RECQL: variants seen among roughly 807,000 people sequenced by gnomAD.
The protein encoded by RECQL is RecQ like helicase, also known as ATP-dependent DNA helicase Q1.
A neutral mutation model predicts 75.8 loss-of-function variants in RECQL; 73 were observed. That is an observed-to-expected ratio of 0.96 (90% CI 0.80 to 1.17). RECQL has a LOEUF of 1.17. RECQL is among the 50% of genes most tolerant of loss of function. RECQL has a pLI of 0.00. For synonymous variants in RECQL, 248 were observed against 254.4 expected (o/e 0.97, Z 0.24); for missense variants, 699 against 772.1 (o/e 0.91, Z 1.12).
At position 21,496,841 on chromosome 12, in the gene RECQL, T is replaced by C. The variant is rs567443806; in HGVS notation, c.16+2714A>G. Among the ~76,000 whole-genome samples, 7 of 152,340 alleles carry C rather than the reference T, an allele frequency of 4.6e-5. No individual in the cohort carries two copies. The East Asian group carries it at 1.4e-3, about 29-fold the overall frequency. On this transcript the variant is annotated intron_variant, in intron 2 of 14. Transcript: ENST00000444129. ...CAAGTAACCCCAAAACTTGCCGGTT[T>C]TGAGTAGGACCTCGAACAAGAGGTA...
intron 4 of RECQL, among the ~76,000 whole-genome samples, chr12:21,489,659 T>G (rs1943370779): frequency 6.6e-6 from 1 of 152,204 alleles, no homozygotes; most frequent in Non-Finnish European, 1.5e-5. Flanking sequence ...CAGAGCTGCT[T>G]CTCCTACAAC....
At chr12:21,477,757 G>A in intron 7 of RECQL, 46 bp downstream of exon 7, 1 of 1,492,262 alleles carries the variant, frequency 6.7e-7, no homozygotes, top group Non-Finnish European at 9.2e-7. Context: ...GATCCCCTCT[G>A]CGTAATTCTT....
intron 2 of RECQL, among the ~76,000 whole-genome samples, chr12:21,496,162 G>A (rs765524975): frequency 2.6e-5 from 4 of 152,204 alleles, no homozygotes; most frequent in Non-Finnish European, 5.9e-5. Context: ...CTTCCATGTC[G>A]CATTCAACTC....
chr12:21,496,370 T>C (rs1270439160), intron 2 of RECQL, among the ~76,000 whole-genome samples: 2 of 152,270 alleles, frequency 1.3e-5, no homozygotes, highest in African/African-American at 2.4e-5. Context: ...GTACCTGTTA[T>C]TATAGCATAG....
Position 21,493,395 on chromosome 12 carries a change from C to A in RECQL, c.17-1679G>T, listed in dbSNP as rs116303824. On this transcript the variant is annotated intron_variant, in intron 2 of 14. Transcript: ENST00000444129. Reference sequence around the variant, plus strand: ...GAATAATGGGGTTGACTGGTTGCTTCTAAGTGTGCAAAGAACTCAGGGGAA... The same window carrying A: ...GAATAATGGGGTTGACTGGTTGCTTATAAGTGTGCAAAGAACTCAGGGGAA... 3.2e-3 allele frequency among the ~76,000 whole-genome samples: 482 copies of A among 152,196 alleles called. 4 individuals carry two copies. Among genetic ancestry groups the A allele is most frequent in the African/African-American group, 0.011 (455 of 41,514 alleles).
At chr12:21,489,980 A>G (rs912779598) in intron 4 of RECQL, among the ~76,000 whole-genome samples, 1 of 152,152 alleles carries the variant, frequency 6.6e-6, no homozygotes, top group African/African-American at 2.4e-5. Context: ...CAATATACCC[A>G]TGTAACAAAC....
rs770657063 is a variant in RECQL, at chr12:21,470,268, T to C, written c.1876A>G (p.Lys626Glu). 1.9e-5 allele frequency: 30 copies of C among 1,610,052 alleles called. 1 individual carries two copies. The East Asian group carries it at 4.9e-4, about 26-fold the overall frequency. ...GATTGCTGAAGCATGTTTGCAGCCT[T>C]CTTCTGGAAGTTGCCTGAATTTTTT... ...EEKNSGNFQK[K>E]AANMLQQSGS... The change falls in exon 15 of 15, where the codon AAG (lysine) becomes GAG (glutamate). Residue 626 changes from lysine to glutamate, a missense_variant. Physicochemically the swap from Lys to Glu is moderately conservative, Grantham distance 56. This residue lies in a region of RECQL where 30 missense variants were observed against 58.6 expected (regional missense o/e 0.51). Coordinates refer to ENST00000444129, the MANE Select transcript of RECQL (RefSeq NM_002907.4).
chr12:21,497,064 T>G (rs1208021974), intron 2 of RECQL, among the ~76,000 whole-genome samples: 1 of 152,226 alleles, frequency 6.6e-6, no homozygotes, highest in Non-Finnish European at 1.5e-5. Context: ...AAACAACTTC[T>G]GGGTTGCTCC....
chr12:21,495,184 A>G (rs952108404), intron 2 of RECQL, among the ~76,000 whole-genome samples: 4 of 152,248 alleles, frequency 2.6e-5, no homozygotes, highest in African/African-American at 9.6e-5. Flanking sequence ...AGGCCCTTGA[A>G]TAAGGCAGAG....
At chr12:21,477,636 A>T (rs1280194040) in intron 7 of RECQL, among the ~76,000 whole-genome samples, 167 bp downstream of exon 7, 1 of 152,236 alleles carries the variant, frequency 6.6e-6, no homozygotes, top group East Asian at 1.9e-4. Context: ...TATGTAGCAA[A>T]AGATACATGA....
Position 21,470,968 on chromosome 12 carries a change from C to T in RECQL, c.1797+1G>A. On this transcript the variant is annotated splice_donor_variant, in intron 14 of 14. Coordinates refer to ENST00000444129, the MANE Select transcript of RECQL (RefSeq NM_002907.4). LOFTEE classifies it high-confidence loss of function. Reference sequence around the variant, plus strand: ...AAAACTGAAAATTAATAGCCATTTACCCTGAAAGAGTTCTGCGTGGACTTT... The same window carrying T: ...AAAACTGAAAATTAATAGCCATTTATCCTGAAAGAGTTCTGCGTGGACTTT... 6.6e-7 allele frequency: 1 copy of T among 1,525,460 alleles called. No individual in the cohort carries two copies. The highest frequency in any genetic ancestry group is 8.7e-7 in the Non-Finnish European group (1 of 1,143,560). 94.5% of individuals were successfully genotyped at this position (1,525,460 alleles called of 1,614,324 possible). A position where few individuals can be genotyped will look rare whatever the true frequency, so the allele number is the denominator to read the frequency against.
intron 13 of RECQL, 75 bp downstream of exon 13, chr12:21,471,353 C>G: frequency 7.4e-7 from 1 of 1,349,604 alleles, no homozygotes; most frequent in Non-Finnish European, 1.0e-6. Flanking sequence ...ACTGCAAAAC[C>G]GTTTATTCTG....
In RECQL at chr12:21,471,022, C is replaced by T; in HGVS notation, c.1744G>A (p.Glu582Lys). The change falls in exon 14 of 15, where the codon GAG becomes AAG. Residue 582 changes from glutamate to lysine, a missense_variant. Glu to Lys is a moderately conservative substitution (Grantham distance 56, BLOSUM62 1). Around this residue, in one of 2 missense-constraint regions of RECQL, gnomAD observed 669 missense variants for 713.5 expected, o/e 0.94. Transcript: ENST00000444129. ...ACTTGCATAGTAATAGCATGTGCCT[C>T]ATTGTTCAGAAGATTAGCTTTAGGT... ...IGPKANLLNN[E>K]AHAITMQVTK... 1 of 1,598,618 alleles carries T rather than the reference C, an allele frequency of 6.3e-7. No homozygotes were observed. The highest frequency in any genetic ancestry group is 8.5e-7 in the Non-Finnish European group (1 of 1,173,998).
intron 5 of RECQL, among the ~76,000 whole-genome samples, chr12:21,486,045 A>C (rs1465478924): frequency 6.6e-6 from 1 of 152,216 alleles, no homozygotes; most frequent in Non-Finnish European, 1.5e-5. Flanking sequence ...AATACAAAAC[A>C]GGTCAGCAAA....
At chr12:21,473,220 AT>A (rs1003311155) in intron 12 of RECQL, among the ~76,000 whole-genome samples, 22 of 151,378 alleles carry the variant, frequency 1.5e-4, no homozygotes, top group African/African-American at 5.3e-4. Context: ...AATACCATAT[AT>A]TTTTTTTTGA....
At chr12:21,473,521 C>T (rs753875849) in intron 12 of RECQL, 30 bp downstream of exon 12, 12 of 1,530,784 alleles carry the variant, frequency 7.8e-6, no homozygotes, top group Non-Finnish European at 1.1e-5. Context: ...CTGTATTAGC[C>T]TATAAAGGTT....
chr12:21,476,847 T>C, intron 8 of RECQL, 64 bp downstream of exon 8: 1 of 1,010,158 alleles, frequency 9.9e-7, no homozygotes, highest in South Asian at 1.6e-5. Flanking sequence ...TAATTATCAA[T>C]ATGATATGAA....
At chr12:21,477,032 T>A (rs927285233) in intron 7 of RECQL, 40 bp from the exon 8 acceptor site, 2 of 1,426,418 alleles carry the variant, frequency 1.4e-6, no homozygotes, top group Non-Finnish European at 1.9e-6. Flanking sequence ...AATGAATGAG[T>A]ACCATCCAAG....
At chr12:21,498,896 A>G (rs1425632701) in intron 2 of RECQL, among the ~76,000 whole-genome samples, 1 of 152,234 alleles carries the variant, frequency 6.6e-6, no homozygotes, top group African/African-American at 2.4e-5. Context: ...TGTAATAGCT[A>G]TAAGTCTTTC....
Sources: gnomAD v4.1 joint callset for allele counts (sites outside exome capture counted in the v4.1 genomes callset) on GRCh38, gnomAD v4.1.1 for gene constraint, gnomAD v4.1.1 regional missense constraint, MANE v1.5 for transcripts, NCBI Gene and HGNC (gene_info 2026-07-23, HGNC 2026-07-21) for gene names.